SGIP1: variants seen among roughly 807,000 people sequenced by gnomAD.
SGIP1 encodes SH3GL interacting endocytic adaptor 1.
In SGIP1, 38 loss-of-function variants were observed where a neutral mutation model predicts 107.5. The observed-to-expected ratio is 0.35, with a 90% CI of 0.27 to 0.46. The LOEUF (loss-of-function observed/expected upper bound fraction) is 0.46. SGIP1 is among the 20% of genes least tolerant of loss of function. SGIP1 has a pLI of 1.00. For missense variants in SGIP1, 929 were observed against 1,019.5 expected (o/e 0.91, Z 1.21); for synonymous variants, 365 against 366.1 (o/e 1.00, Z 0.03).
At chr1:66,703,331 C>T (rs570116346) in intron 18 of SGIP1, among the ~76,000 whole-genome samples, 39 of 152,008 alleles carry the variant, frequency 2.6e-4, no homozygotes, top group Non-Finnish European at 4.1e-4. Flanking sequence ...ATGGAAGAAA[C>T]GGGAGCAACA....
Position 66,750,279 on chromosome 1 carries a change from A to G in SGIP1, c.*7184A>G, listed in dbSNP as rs572582898. Among the ~76,000 whole-genome samples, 14 of 152,294 alleles carry G rather than the reference A, an allele frequency of 9.2e-5. No homozygotes were observed. The East Asian group carries it at 2.7e-3, about 29-fold the overall frequency. ...GTTTTTGTTTGTTTTTCACTTGTAT[A>G]GTAAAAGATCATATGAATTAAATAC... On this transcript the variant is annotated 3_prime_UTR_variant, in exon 25 of 25. Transcript: ENST00000371037.
At chr1:66,738,767 C>T (rs920568167) in intron 21 of SGIP1, among the ~76,000 whole-genome samples, 1 of 152,188 alleles carries the variant, frequency 6.6e-6, no homozygotes, top group African/African-American at 2.4e-5. Context: ...CTACCCTAGT[C>T]TAACTCACTG....
intron 18 of SGIP1, among the ~76,000 whole-genome samples, chr1:66,707,229 T>C (rs2092588953): frequency 6.6e-6 from 1 of 152,182 alleles, no homozygotes; most frequent in South Asian, 2.1e-4. Context: ...GAAAAGCATT[T>C]TTTTTTCTAA....
intron 21 of SGIP1, among the ~76,000 whole-genome samples, chr1:66,736,955 C>T (rs2094285178): frequency 1.3e-5 from 2 of 152,026 alleles, no homozygotes; most frequent in Admixed American, 1.3e-4. Flanking sequence ...ACTCTTCAAA[C>T]ATTATGGATA....
chr1:66,571,897 T>A (rs2060430820), intron 1 of SGIP1, among the ~76,000 whole-genome samples: 1 of 152,074 alleles, frequency 6.6e-6, no homozygotes, highest in African/African-American at 2.4e-5. Context: ...ACAAATTTAC[T>A]CATCCCTAAA....
chr1:66,646,804 T>C (rs1272782260), intron 7 of SGIP1, among the ~76,000 whole-genome samples: 1 of 152,214 alleles, frequency 6.6e-6, no homozygotes, highest in Non-Finnish European at 1.5e-5. Flanking sequence ...AACAAAATTT[T>C]AGTCCAGATT....
chr1:66,626,871 G>T (rs1171997705), intron 2 of SGIP1, among the ~76,000 whole-genome samples: 1 of 152,128 alleles, frequency 6.6e-6, no homozygotes. Context: ...AGCAACAGTT[G>T]TATGGGCACA....
intron 17 of SGIP1, among the ~76,000 whole-genome samples, chr1:66,692,968 G>A (rs1303212097): frequency 6.6e-6 from 1 of 152,086 alleles, no homozygotes; most frequent in Non-Finnish European, 1.5e-5. Context: ...GCCTTTTATT[G>A]AATTGAAGAC....
chr1:66,739,413 C>T lies in SGIP1; in HGVS notation c.2110C>T (p.Arg704Cys), dbSNP rs914760101. 6.2e-6 allele frequency: 10 copies of T among 1,614,028 alleles called. No individual in the cohort carries two copies. Among genetic ancestry groups the T allele is most frequent in the African/African-American group, 1.3e-5 (1 of 74,928 alleles). ...ATGTGAGCCTTCAAGCACTGACCTG[C>T]GCATAGATTACAAATATAATACAGA... is the stretch of plus-strand genomic sequence containing the variant. ...WRCEPSSTDL[R>C]IDYKYNTDAM... Residue 704 changes from arginine (R) to cysteine (C), a missense_variant, in exon 22 of 25, where the codon CGC becomes TGC. Around this residue, in one of 2 missense-constraint regions of SGIP1, gnomAD observed 341 missense variants for 430.9 expected, o/e 0.79. Coordinates refer to ENST00000371037, the MANE Select transcript of SGIP1 (RefSeq NM_032291.4).
intron 4 of SGIP1, 104 bp downstream of exon 4, chr1:66,636,119 A>G (rs7546825): frequency 0.46 from 491,338 of 1,061,966 alleles, 118,867 homozygotes; most frequent in African/African-American, 0.75. Context: ...CATTTACTCC[A>G]TTTAAGAAAA....
At position 66,748,495 on chromosome 1, in the gene SGIP1, T is replaced by G. The variant is rs935935076; in HGVS notation, c.*5400T>G. On this transcript the variant is annotated 3_prime_UTR_variant, in exon 25 of 25. Coordinates refer to ENST00000371037, the MANE Select transcript of SGIP1 (RefSeq NM_032291.4). ...CTGATTTCTCTCCTAAATGGGTATG[T>G]CTATGAGGAAAAGACACCTATTTGT... Among the ~76,000 whole-genome samples, 6 of 151,980 alleles carry G rather than the reference T, an allele frequency of 3.9e-5. No individual in the cohort carries two copies. Among genetic ancestry groups the G allele is most frequent in the African/African-American group, 1.2e-4 (5 of 41,442 alleles).
chr1:66,597,619 A>T (rs936441910), intron 1 of SGIP1, among the ~76,000 whole-genome samples: 2 of 152,132 alleles, frequency 1.3e-5, no homozygotes, highest in African/African-American at 2.4e-5. Context: ...TTTTCTGAAG[A>T]TCTTACTTCC....
chr1:66,534,611 A>G (rs914876437), intron 1 of SGIP1, among the ~76,000 whole-genome samples: 6 of 152,196 alleles, frequency 3.9e-5, no homozygotes, highest in African/African-American at 1.4e-4. Flanking sequence ...AAAAGCCTAA[A>G]GTGTTTGCAG....
intron 22 of SGIP1, 78 bp from the exon 23 acceptor site, chr1:66,740,580 T>C (rs551104339): frequency 9.1e-5 from 79 of 870,594 alleles, no homozygotes; most frequent in Non-Finnish European, 1.4e-4. Flanking sequence ...AAATTAATAC[T>C]ATCTGGAAAA....
chr1:66,671,639 A>G (rs1461233458), intron 10 of SGIP1, among the ~76,000 whole-genome samples: 2 of 152,256 alleles, frequency 1.3e-5, no homozygotes, highest in African/African-American at 4.8e-5. Flanking sequence ...CAGTCAAGGC[A>G]GCAGACATTC....
In SGIP1 at chr1:66,733,695, G is replaced by T. The variant is rs899428056; in HGVS notation, c.1899-53G>T. On this transcript the variant is annotated intron_variant, in intron 20 of 24. Coordinates refer to ENST00000371037, the MANE Select transcript of SGIP1 (RefSeq NM_032291.4). ...AATTTGCTAAGATGCTTCGTGTAGG[G>T]TTTATATTTGTTTTAAGATGCTACT... 9.5e-6 allele frequency: 15 copies of T among 1,587,082 alleles called. No individual in the cohort carries two copies. In the East Asian group the frequency reaches 2.7e-4, roughly 29 times the overall value.
intron 1 of SGIP1, among the ~76,000 whole-genome samples, chr1:66,570,100 G>A (rs907908069): frequency 5.3e-5 from 8 of 151,614 alleles, no homozygotes; most frequent in South Asian, 2.1e-4. Context: ...AGTAATTTAC[G>A]ATGTCTCTCT....
intron 2 of SGIP1, among the ~76,000 whole-genome samples, chr1:66,627,921 C>T (rs556840773): frequency 8.7e-5 from 13 of 149,532 alleles, no homozygotes; most frequent in South Asian, 6.6e-4. Flanking sequence ...CAACAGGCCC[C>T]GGTGTGTGAT....
chr1:66,639,586 T>A (rs2076400941), intron 4 of SGIP1, among the ~76,000 whole-genome samples, 191 bp from the exon 5 acceptor site: 2 of 152,244 alleles, frequency 1.3e-5, no homozygotes, highest in Non-Finnish European at 1.5e-5. Context: ...TGCCCTTTTA[T>A]GCAGTGTCAC....
Sources: gnomAD v4.1 joint callset for allele counts (sites outside exome capture counted in the v4.1 genomes callset) on GRCh38, gnomAD v4.1.1 for gene constraint, gnomAD v4.1.1 regional missense constraint, MANE v1.5 for transcripts, NCBI Gene and HGNC (gene_info 2026-07-23, HGNC 2026-07-21) for gene names.